Variants in MYBPC1 observed in about 807,000 individuals in gnomAD.
MYBPC1 encodes myosin binding protein C1, also known as myosin-binding protein C, slow-type.
In MYBPC1, 52 loss-of-function variants were observed where a neutral mutation model predicts 147.1. The ratio of observed to expected loss-of-function variants is 0.35; its 90% confidence interval spans 0.28 to 0.45. The LOEUF (loss-of-function observed/expected upper bound fraction) is 0.45. MYBPC1 is among the 20% of genes least tolerant of loss of function. The pLI is 1.00. For synonymous variants in MYBPC1, 477 were observed against 475.9 expected (o/e 1.00, Z -0.03); for missense variants, 1,228 against 1,440.3 (o/e 0.85, Z 2.39).
intron 6 of MYBPC1, among the ~76,000 whole-genome samples, chr12:101,629,960 A>G (rs1040581172): frequency 6.6e-6 from 1 of 152,160 alleles, no homozygotes; most frequent in East Asian, 1.9e-4. Flanking sequence ...TACGTTCGCA[A>G]TGTTGTACAG....
At chr12:101,631,164 A>T (rs1431296194) in intron 6 of MYBPC1, among the ~76,000 whole-genome samples, 1 of 152,192 alleles carries the variant, frequency 6.6e-6, no homozygotes, top group African/African-American at 2.4e-5. Context: ...AGTGAAAAAA[A>T]TTCAATTTTT....
At chr12:101,598,113 A>G (rs1878182258) in intron 1 of MYBPC1, among the ~76,000 whole-genome samples, 1 of 148,066 alleles carries the variant, frequency 6.8e-6, no homozygotes, top group African/African-American at 2.5e-5. Context: ...TTTGCCTCCC[A>G]GGTTCAAGTG....
At chr12:101,632,555 T>C (rs188621060) in intron 8 of MYBPC1, among the ~76,000 whole-genome samples, 5 of 152,180 alleles carry the variant, frequency 3.3e-5, no homozygotes, top group African/African-American at 1.2e-4. Flanking sequence ...CAGTTCTTCA[T>C]CCATATGTTC....
In MYBPC1 at chr12:101,609,067, G is replaced by A. The variant is rs138823399; in HGVS notation, c.26-5429G>A. Among the ~76,000 whole-genome samples the A allele has an allele frequency of 4.3e-3, 659 of 152,180 alleles. 6 individuals are homozygous for A. The highest frequency in any genetic ancestry group is 0.015 in the African/African-American group (607 of 41,530). ...CACCTGCTGTGTGGAATCTGAAAAG[G>A]AGAAGGAGAAGGGCCTTGTCCTCAA... is the stretch of plus-strand genomic sequence containing the variant. On this transcript the variant is annotated intron_variant, in intron 1 of 31. Coordinates refer to ENST00000361466, the MANE Select transcript of MYBPC1 (RefSeq NM_002465.4).
At chr12:101,686,786 A>G (rs899068875), downstream of MYBPC1, among the ~76,000 whole-genome samples, 1 of 152,142 alleles carries the variant, frequency 6.6e-6, no homozygotes, top group African/African-American at 2.4e-5. Context: ...TATGGTGGTC[A>G]TGGATCTGGG....
At chr12:101,611,139 G>A (rs1193752290) in intron 1 of MYBPC1, among the ~76,000 whole-genome samples, 2 of 152,184 alleles carry the variant, frequency 1.3e-5, no homozygotes, top group African/African-American at 4.8e-5. Flanking sequence ...CCTATTTACA[G>A]GCCGGTATAC....
At chr12:101,598,477 C>T (rs1273918918) in intron 1 of MYBPC1, among the ~76,000 whole-genome samples, 1 of 152,204 alleles carries the variant, frequency 6.6e-6, no homozygotes, top group African/African-American at 2.4e-5. Context: ...ATGATTTCCT[C>T]AGAATTTTAC....
At chr12:101,626,275 T>C (rs919135868) in intron 3 of MYBPC1, among the ~76,000 whole-genome samples, 23 of 152,124 alleles carry the variant, frequency 1.5e-4, no homozygotes, top group Non-Finnish European at 7.3e-5. Context: ...ATATTTTGAA[T>C]TTCACAAATA....
At chr12:101,622,420 A>G (rs1327580966) in intron 3 of MYBPC1, among the ~76,000 whole-genome samples, 1 of 152,236 alleles carries the variant, frequency 6.6e-6, no homozygotes, top group Non-Finnish European at 1.5e-5. Flanking sequence ...AAAAAGTGCC[A>G]GGACTGAAGC....
chr12:101,673,666 C>T, intron 25 of MYBPC1, 44 bp downstream of exon 25: 1 of 1,601,224 alleles, frequency 6.2e-7, no homozygotes, highest in Non-Finnish European at 8.6e-7. Flanking sequence ...CAAAGCAGTA[C>T]AGGGATGAAT....
At chr12:101,646,639 A>C in intron 12 of MYBPC1, 124 bp from the exon 13 acceptor site, 1 of 1,099,990 alleles carries the variant, frequency 9.1e-7, no homozygotes, top group East Asian at 2.7e-5. Flanking sequence ...ACCCTGTCTC[A>C]AAAAAAAACA....
At chr12:101,646,968 T>C (rs1415989793) in intron 13 of MYBPC1, 81 bp downstream of exon 13, 3 of 1,553,056 alleles carry the variant, frequency 1.9e-6, no homozygotes, top group Non-Finnish European at 2.7e-6. Flanking sequence ...TGAAAGTAAC[T>C]GAGGCTCCTC....
intron 3 of MYBPC1, 76 bp downstream of exon 3, chr12:101,617,319 G>C (rs1886357247): frequency 1.4e-6 from 2 of 1,456,606 alleles, no homozygotes; most frequent in African/African-American, 2.8e-5. Context: ...TGATTGTCAT[G>C]GTGGCTCCAT....
At position 101,680,453 on chromosome 12, in the gene MYBPC1, T is replaced by G; in HGVS notation, c.3357T>G (p.Tyr1119Ter). 6.2e-7 allele frequency: 1 copy of G among 1,614,078 alleles called. No homozygotes were observed. The highest frequency in any genetic ancestry group is 8.5e-7 in the Non-Finnish European group (1 of 1,179,970). ...TGGAAATTCGCAAGCCCAGCCCCTA[T>G]GATGGAGGCACTTACTGCTGCAAAG... ...CTLEIRKPSP[Y>*]DGGTYCCKAV... Residue 1119 changes from tyrosine to a stop codon, truncating the protein, a stop_gained, in exon 29 of 32, where the codon TAT becomes TAG. Coordinates refer to ENST00000361466, the MANE Select transcript of MYBPC1 (RefSeq NM_002465.4). LOFTEE classifies it high-confidence loss of function.
downstream of MYBPC1, among the ~76,000 whole-genome samples, chr12:101,690,119 G>A (rs971745990): frequency 6.6e-6 from 1 of 152,136 alleles, no homozygotes; most frequent in Non-Finnish European, 1.5e-5. Context: ...AGTTTGCAGT[G>A]AGCCAAGATC....
At chr12:101,663,653 C>G in intron 22 of MYBPC1, 93 bp downstream of exon 22, 1 of 1,378,668 alleles carries the variant, frequency 7.3e-7, no homozygotes, top group South Asian at 1.2e-5. Context: ...GAGAACGCAT[C>G]ACCTTCCTAC....
At chr12:101,643,802 C>G (rs1435094852) in intron 11 of MYBPC1, among the ~76,000 whole-genome samples, 1 of 151,880 alleles carries the variant, frequency 6.6e-6, no homozygotes, top group Non-Finnish European at 1.5e-5. Context: ...AATTCCTAAA[C>G]GTATGTGCAA....
At chr12:101,675,037 C>T (rs1352266185) in intron 25 of MYBPC1, among the ~76,000 whole-genome samples, 1 of 152,040 alleles carries the variant, frequency 6.6e-6, no homozygotes, top group Non-Finnish European at 1.5e-5. Context: ...TTAAACTAAG[C>T]ACTCTTTCCC....
chr12:101,631,467 C>T, intron 6 of MYBPC1, 104 bp from the exon 7 acceptor site: 2 of 1,301,144 alleles, frequency 1.5e-6, no homozygotes, highest in Non-Finnish European at 2.2e-6. Flanking sequence ...GGGCACCAAT[C>T]ACACCATATT....
Sources: gnomAD v4.1 joint callset for allele counts (sites outside exome capture counted in the v4.1 genomes callset) on GRCh38, gnomAD v4.1.1 for gene constraint, MANE v1.5 for transcripts, NCBI Gene and HGNC (gene_info 2026-07-23, HGNC 2026-07-21) for gene names.